The following KCNAB2 variants were observed in gnomAD, a reference collection of about 807,000 sequenced individuals.
KCNAB2 encodes the protein potassium voltage-gated channel subfamily A regulatory beta subunit 2.
A neutral mutation model predicts 63.6 loss-of-function variants in KCNAB2; 29 were observed. The ratio of observed to expected loss-of-function variants is 0.46; its 90% confidence interval spans 0.34 to 0.62. The LOEUF (loss-of-function observed/expected upper bound fraction) is 0.62. KCNAB2 is among the 20% of genes least tolerant of loss of function. KCNAB2 has a pLI of 0.01. For missense variants in KCNAB2, 359 were observed against 563.9 expected (o/e 0.64, Z 3.68); for synonymous variants, 222 against 224.2 (o/e 0.99, Z 0.09).
chr1:6,058,681 G>C (rs1302561276), intron 2 of KCNAB2, among the ~76,000 whole-genome samples: 1 of 152,246 alleles, frequency 6.6e-6, no homozygotes, highest in Non-Finnish European at 1.5e-5. Flanking sequence ...CGTGCACCTA[G>C]TCTCACTTAG....
chr1:6,073,297 A>G lies in KCNAB2; in HGVS notation c.263-436A>G, dbSNP rs1385678421. Among the ~76,000 whole-genome samples, 2 of 150,218 alleles carry G rather than the reference A, an allele frequency of 1.3e-5. No homozygotes were observed. The highest frequency in any genetic ancestry group is 3.0e-5 in the Non-Finnish European group (2 of 67,488). ...ACACACCGCCCACTGCAGTACACACACCCCGCCCCCCACCAGCACCCACTG... is the reference window on the plus strand; with the variant it reads ...ACACACCGCCCACTGCAGTACACACGCCCCGCCCCCCACCAGCACCCACTG... On this transcript the variant is annotated intron_variant, in intron 3 of 15. Transcript: ENST00000378083. This position sits in a 1 kb window ranked among gnomAD's most constrained non-coding sequence, Gnocchi z 5.7.
intron 1 of KCNAB2, among the ~76,000 whole-genome samples, chr1:6,050,648 A>T (rs1661306921): frequency 6.6e-6 from 1 of 152,202 alleles, no homozygotes; most frequent in Non-Finnish European, 1.5e-5. Flanking sequence ...ATGGACTGTC[A>T]CTTAGGTAAC....
chr1:6,078,279 T>G lies in KCNAB2; in HGVS notation c.301-3916T>G, dbSNP rs536804193. 4.2e-4 allele frequency among the ~76,000 whole-genome samples: 64 copies of G among 152,378 alleles called. No homozygotes were observed. The highest frequency in any genetic ancestry group is 4.9e-4 in the Non-Finnish European group (33 of 68,034). On this transcript the variant is annotated intron_variant, in intron 4 of 15. Transcript: ENST00000378083. The surrounding 1 kb of genome is among the most constrained non-coding windows in gnomAD (Gnocchi z 4.2). Reference sequence around the variant, plus strand: ...CCTGTGATGGCACTGAGGGCCCACTTAGCTAAGCCAGGACATTCTCCCCAC... The same window carrying G: ...CCTGTGATGGCACTGAGGGCCCACTGAGCTAAGCCAGGACATTCTCCCCAC...
In KCNAB2 at chr1:6,073,633, G is replaced by T. The variant is rs963487638; in HGVS notation, c.263-100G>T. On this transcript the variant is annotated intron_variant, in intron 3 of 15. Transcript: ENST00000378083. The surrounding 1 kb of genome is among the most constrained non-coding windows in gnomAD (Gnocchi z 5.7). ...CACAGAGCAGCACAGAGGGACACCT[G>T]TGGCTGCCCCCTGTGCCCTACAGCC... 14 of 1,088,056 alleles carry T rather than the reference G, an allele frequency of 1.3e-5. No homozygotes were observed. The African/African-American group carries it at 2.0e-4, about 16-fold the overall frequency. 67.4% of individuals were successfully genotyped at this position (1,088,056 alleles called of 1,614,324 possible). A position where few individuals can be genotyped will look rare whatever the true frequency, so the allele number is the denominator to read the frequency against.
chr1:6,070,288 A>G (rs1663088635), intron 2 of KCNAB2, among the ~76,000 whole-genome samples: 2 of 152,204 alleles, frequency 1.3e-5, no homozygotes, highest in Admixed American at 1.3e-4. Flanking sequence ...AGAGGCACTG[A>G]TCAGAACCTC....
chr1:6,023,265 G>C lies in KCNAB2; in HGVS notation c.-52-17252G>C, dbSNP rs1658951356. ...AAATCATGCTACTGTGAACACACGG[G>C]TACAAATATCCCTTTGAGACCCTGT... On this transcript the variant is annotated intron_variant, in intron 1 of 16. Coordinates refer to the KCNAB2 transcript ENST00000341524. Among the ~76,000 whole-genome samples, 3 of 152,152 alleles carry C rather than the reference G, an allele frequency of 2.0e-5. No individual in the cohort carries two copies. In the South Asian group the frequency reaches 6.2e-4, roughly 32 times the overall value.
upstream of KCNAB2, among the ~76,000 whole-genome samples, chr1:6,042,182 A>G (rs9662088): frequency 0.11 from 17,247 of 152,212 alleles, 1,407 homozygotes; most frequent in East Asian, 0.32. Flanking sequence ...CTCATCAGGC[A>G]GTGAGGGAGA....
chr1:6,014,817 G>T (rs1256677187), intron 1 of KCNAB2, among the ~76,000 whole-genome samples: 1 of 152,112 alleles, frequency 6.6e-6, no homozygotes, highest in Non-Finnish European at 1.5e-5. Context: ...AGGCAGCATG[G>T]GAACCACTTG....
upstream of KCNAB2, among the ~76,000 whole-genome samples, chr1:6,031,666 G>A (rs1659632345): frequency 6.6e-6 from 1 of 151,694 alleles, no homozygotes; most frequent in African/African-American, 2.4e-5. This position sits in a 1 kb window ranked among gnomAD's most constrained non-coding sequence, Gnocchi z 4.1. Context: ...GCAGGAGGAT[G>A]GCTTGAGCCC....
intron 8 of KCNAB2, among the ~76,000 whole-genome samples, chr1:6,089,335 C>G (rs1664980688): frequency 6.6e-6 from 1 of 152,210 alleles, no homozygotes; most frequent in African/African-American, 2.4e-5. Context: ...GCAGGGGCAC[C>G]CTGCCCCATG....
chr1:6,005,915 C>T (rs1476413527), intron 1 of KCNAB2, among the ~76,000 whole-genome samples: 44 of 133,384 alleles, frequency 3.3e-4, no homozygotes, highest in South Asian at 2.5e-4. Context: ...CAGCTCAGCT[C>T]CCACATCCCC....
chr1:6,057,405 G>T (rs922342422), intron 2 of KCNAB2, among the ~76,000 whole-genome samples: 1 of 152,126 alleles, frequency 6.6e-6, no homozygotes, highest in African/African-American at 2.4e-5. Flanking sequence ...TGGGAATCCA[G>T]GTGTGTCTTA....
At chr1:6,089,350 T>C (rs1276445595) in intron 8 of KCNAB2, among the ~76,000 whole-genome samples, 24 of 152,210 alleles carry the variant, frequency 1.6e-4, no homozygotes, top group Admixed American at 6.5e-5. Context: ...CCCATGCCTC[T>C]GCCACAGTAT....
chr1:6,022,273 G>T (rs576984226), intron 1 of KCNAB2, among the ~76,000 whole-genome samples: 1 of 152,006 alleles, frequency 6.6e-6, no homozygotes, highest in South Asian at 2.1e-4. Flanking sequence ...ATAGTTCAGT[G>T]GTATTGAGTG....
chr1:5,993,446 G>A (rs946104772), intron 1 of KCNAB2, among the ~76,000 whole-genome samples: 5 of 152,162 alleles, frequency 3.3e-5, no homozygotes, highest in Non-Finnish European at 7.3e-5. Context: ...CTGACCCTGA[G>A]CCCCTACTCC....
chr1:6,077,718 A>AGCAGAGCCAGGAGCATCC (rs1663793627), intron 4 of KCNAB2, among the ~76,000 whole-genome samples: 1 of 152,100 alleles, frequency 6.6e-6, no homozygotes, highest in South Asian at 2.1e-4. Flanking sequence ...CGGTGGGCAG[A>AGCAGAGCCAGGAGCATCC]GCAGAGCCAG....
intron 1 of KCNAB2, among the ~76,000 whole-genome samples, chr1:6,025,739 C>A (rs1659105397): frequency 6.6e-6 from 1 of 152,178 alleles, no homozygotes; most frequent in Non-Finnish European, 1.5e-5. Context: ...TCTGACCCTT[C>A]GTGTTGTCAC....
rs968612234 is a variant in KCNAB2, at chr1:6,003,733, C to G, written c.-53+10945C>G. Among the ~76,000 whole-genome samples, 1 of 152,232 alleles carries G rather than the reference C, an allele frequency of 6.6e-6. No homozygotes were observed. Among genetic ancestry groups the G allele is most frequent in the Non-Finnish European group, 1.5e-5 (1 of 68,048 alleles). ...TAGTATATAGCTCATGTCCCAGAAC[C>G]AGCCACGTCTCCTCGTCGTCGTTTC... On this transcript the variant is annotated intron_variant, in intron 1 of 16. Coordinates refer to the KCNAB2 transcript ENST00000341524. This position sits in a 1 kb window ranked among gnomAD's most constrained non-coding sequence, Gnocchi z 4.1.
intron 1 of KCNAB2, among the ~76,000 whole-genome samples, chr1:6,012,077 T>C (rs1274332376): frequency 7.0e-6 from 1 of 143,434 alleles, no homozygotes; most frequent in Non-Finnish European, 1.5e-5. Context: ...GTGGAGGTGA[T>C]GAAGGTGGAG....
Sources: gnomAD v4.1 joint callset for allele counts (sites outside exome capture counted in the v4.1 genomes callset) on GRCh38, gnomAD v4.1.1 for gene constraint, Gnocchi (gnomAD v3.1) non-coding constraint, MANE v1.5 for transcripts, NCBI Gene and HGNC (gene_info 2026-07-23, HGNC 2026-07-21) for gene names.